Variants in LMNB2 observed in about 807,000 individuals in gnomAD.
LMNB2 encodes lamin-B2.
In LMNB2, 17 loss-of-function variants were observed where a neutral mutation model predicts 69.3. The observed-to-expected ratio is 0.25, with a 90% CI of 0.17 to 0.37. LMNB2 has a LOEUF of 0.37. LMNB2 is among the 10% of genes least tolerant of loss of function. The pLI is 1.00. For synonymous variants in LMNB2, 397 were observed against 389.3 expected, an observed-to-expected ratio of 1.02 and a Z score of -0.23; for missense variants, 789 against 883.6, an observed-to-expected ratio of 0.89 and a Z score of 1.36.
rs1393475287 is a variant in LMNB2, at chr19:2,453,052, G to A, written c.264+3618C>T. Among the ~76,000 whole-genome samples, 8 of 138,688 alleles carry A rather than the reference G, an allele frequency of 5.8e-5. No homozygotes were observed. Among genetic ancestry groups the A allele is most frequent in the African/African-American group, 2.2e-4 (8 of 36,610 alleles). 91.0% of individuals were successfully genotyped at this position (138,688 alleles called of 152,430 possible). On this transcript the variant is annotated intron_variant, in intron 1 of 11. Coordinates refer to ENST00000325327, the MANE Select transcript of LMNB2 (RefSeq NM_032737.4). The surrounding 1 kb of genome is among the most constrained non-coding windows in gnomAD (Gnocchi z 4.4). ...TGGGGGCTGGGTCATCCTCGTGGGG[G>A]CTGGGTCATCCTCATGGGGCTGGGT...
rs115007914 is a variant in LMNB2 at position 2,443,903 on chromosome 19, A to G, written c.401+501T>C. Among the ~76,000 whole-genome samples, 77 of 152,254 alleles carry G rather than the reference A, an allele frequency of 5.1e-4. 1 individual carries two copies. Among genetic ancestry groups the G allele is most frequent in the African/African-American group, 1.8e-3 (73 of 41,532 alleles). Reference sequence around the variant, plus strand: ...TGTCACCCAGAAGGACTTTGCAGCCAACCCTGGGGCAGCCCAACAACCCAT... The same window carrying G: ...TGTCACCCAGAAGGACTTTGCAGCCGACCCTGGGGCAGCCCAACAACCCAT... On this transcript the variant is annotated intron_variant, in intron 2 of 11. Coordinates refer to ENST00000325327, the MANE Select transcript of LMNB2 (RefSeq NM_032737.4). The surrounding 1 kb of genome is among the most constrained non-coding windows in gnomAD (Gnocchi z 6.2).
Position 2,435,138 on chromosome 19 carries a change from G to A in LMNB2, c.718C>T (p.Arg240Cys), listed in dbSNP as rs776556197. Residue 240 changes from arginine to cysteine, a missense_variant, in exon 5 of 12, where the codon CGC becomes TGC. This residue lies in a region of LMNB2 where 609 missense variants were observed against 630.9 expected (regional missense o/e 0.97). Coordinates refer to ENST00000325327, the MANE Select transcript of LMNB2 (RefSeq NM_032737.4). Reference protein sequence around the residue: ...VRETRRRHERRLVEVDSSRQQ... With the variant: ...VRETRRRHERCLVEVDSSRQQ... ...CGGCTGCTGTCCACCTCCACCAGGC[G>A]CCGCTCGTGCCGCCGCCGCGTCTCC... 8 of 1,605,096 alleles carry A rather than the reference G, an allele frequency of 5.0e-6. No homozygotes were observed. In the East Asian group the frequency reaches 6.7e-5, roughly 13 times the overall value.
At chr19:2,442,095 G>A (rs1467243759) in intron 2 of LMNB2, among the ~76,000 whole-genome samples, 1 of 152,198 alleles carries the variant, frequency 6.6e-6, no homozygotes, top group Non-Finnish European at 1.5e-5. Flanking sequence ...GCTCTGGCTT[G>A]TTAGGTCCTG....
rs2145447793 is a variant in LMNB2 at position 2,434,058 on chromosome 19, G to T, written c.1250C>A (p.Ala417Asp). 1 of 1,599,724 alleles carries T rather than the reference G, an allele frequency of 6.3e-7. No individual in the cohort carries two copies. Among genetic ancestry groups the T allele is most frequent in the Non-Finnish European group, 8.5e-7 (1 of 1,174,560 alleles). ...SPSSRVTVSR[A>D]TSSSSGSLSA... ...CAAGCTGCCGCTGCTGCTCGAGGTG[G>T]CTCGTGAGACGGTGACGCGCGAGGA... Residue 417 changes from alanine to aspartate, a missense_variant, in exon 8 of 12, where the codon GCC becomes GAC. Ala to Asp is a moderately radical substitution (Grantham distance 126). Coordinates refer to ENST00000325327, the MANE Select transcript of LMNB2 (RefSeq NM_032737.4).
Position 2,438,121 on chromosome 19 carries a change from C to T in LMNB2, c.684+42G>A, listed in dbSNP as rs1865111. 367,407 of 1,610,544 alleles carry T rather than the reference C, an allele frequency of 0.23. 43,794 individuals carry two copies. Among genetic ancestry groups the T allele is most frequent in the African/African-American group, 0.32 (23,689 of 74,948 alleles). On this transcript the variant is annotated intron_variant, in intron 4 of 11. Transcript: ENST00000325327. Reference sequence around the variant, plus strand: ...TCCACAGCCATGAGGGTGGACTTTGCGTTTCCGCTGTGCCAGGCTGGAGGC... The same window carrying T: ...TCCACAGCCATGAGGGTGGACTTTGTGTTTCCGCTGTGCCAGGCTGGAGGC...
intron 4 of LMNB2, among the ~76,000 whole-genome samples, chr19:2,436,381 AAAAACAAAAC>A (rs370520046): frequency 1.5e-4 from 22 of 151,684 alleles, no homozygotes; most frequent in East Asian, 4.0e-4. Context: ...ACTCCATCTC[AAAAACAAAAC>A]AAAACAAAAC....
At chr19:2,445,724 C>T (rs1314486978) in intron 1 of LMNB2, among the ~76,000 whole-genome samples, 48 of 84,136 alleles carry the variant, frequency 5.7e-4, no homozygotes, top group African/African-American at 2.4e-3. Context: ...GAGTCCCCAG[C>T]TCCCCACCCC....
chr19:2,450,794 G>A (rs1208247984), intron 1 of LMNB2, among the ~76,000 whole-genome samples: 1 of 151,770 alleles, frequency 6.6e-6, no homozygotes, highest in Non-Finnish European at 1.5e-5. Context: ...ACCACGCCCA[G>A]CTAATTTTTG....
intron 2 of LMNB2, among the ~76,000 whole-genome samples, chr19:2,440,428 G>C (rs1971884717): frequency 6.6e-6 from 1 of 152,026 alleles, no homozygotes; most frequent in Non-Finnish European, 1.5e-5. Context: ...ATCCTCAAGT[G>C]ATCTGTCCGC....
intron 9 of LMNB2, 92 bp downstream of exon 9, chr19:2,432,324 A>T: frequency 1.5e-5 from 7 of 464,470 alleles, no homozygotes; most frequent in South Asian, 8.6e-5. Flanking sequence ...CATCATCCCC[A>T]CCCACCCCCG....
rs373897775 is a variant in LMNB2 at position 2,443,985 on chromosome 19, C to T, written c.401+419G>A. ...CGTCCCAACAGCTGGGACAAAACCCCGGCACCAAGAACATCCAACCACAGG... is the reference window on the plus strand; with the variant it reads ...CGTCCCAACAGCTGGGACAAAACCCTGGCACCAAGAACATCCAACCACAGG... On this transcript the variant is annotated intron_variant, in intron 2 of 11. Transcript: ENST00000325327. The surrounding 1 kb of genome is among the most constrained non-coding windows in gnomAD (Gnocchi z 6.2). Among the ~76,000 whole-genome samples, 4 of 152,120 alleles carry T rather than the reference C, an allele frequency of 2.6e-5. No individual in the cohort carries two copies. Among genetic ancestry groups the T allele is most frequent in the Admixed American group, 6.5e-5 (1 of 15,272 alleles).
At chr19:2,438,054 TG>T in intron 4 of LMNB2, 108 bp downstream of exon 4, 1 of 1,530,058 alleles carries the variant, frequency 6.5e-7, no homozygotes, top group African/African-American at 1.4e-5. Flanking sequence ...CCTAGAGCCG[TG>T]GGAGGGACCC....
rs1463811366 is a variant in LMNB2 at position 2,456,948 on chromosome 19, C to G, written c.-15G>C. On this transcript the variant is annotated 5_prime_UTR_variant, in exon 1 of 12. Coordinates refer to ENST00000325327, the MANE Select transcript of LMNB2 (RefSeq NM_032737.4). Reference sequence around the variant, plus strand: ...GGCGGGCTCATTCAATCCGCGCCGCCGGCTGCAAGATGGCGCCGCGCCGCG... The same window carrying G: ...GGCGGGCTCATTCAATCCGCGCCGCGGGCTGCAAGATGGCGCCGCGCCGCG... 1.0e-6 allele frequency: 1 copy of G among 987,408 alleles called. No individual in the cohort carries two copies. Among genetic ancestry groups the G allele is most frequent in the Non-Finnish European group, 1.2e-6 (1 of 832,592 alleles). 61.2% of individuals were successfully genotyped at this position (987,408 alleles called of 1,614,324 possible).
chr19:2,434,835 T>C lies in LMNB2; in HGVS notation c.934A>G (p.Met312Val), dbSNP rs756818582. The change falls in exon 6 of 12, where the codon ATG (methionine) becomes GTG (valine). Residue 312 changes from methionine to valine, a missense_variant. Physicochemically the swap from Met to Val is conservative, Grantham distance 21 (BLOSUM62 1). This residue lies in a region of LMNB2 where 609 missense variants were observed against 630.9 expected (regional missense o/e 0.97). Transcript: ENST00000325327. ...AAREELKEAR[M>V]RLESLSYQLS... is the part of the protein sequence containing the mutation. ...TGGTAGCTGAGGGACTCCAGGCGCA[T>C]GCGGGCCTCCTTCAGCTCCTCGCGA... 5 of 1,608,974 alleles carry C rather than the reference T, an allele frequency of 3.1e-6. No individual in the cohort carries two copies. The highest frequency in any genetic ancestry group is 1.7e-5 in the Admixed American group (1 of 59,870).
rs754150999 is a variant in LMNB2 at position 2,431,886 on chromosome 19, G to A, written c.1607C>T (p.Ala536Val). Residue 536 changes from alanine to valine, a missense_variant, in exon 10 of 12, where the codon GCG (alanine) becomes GTG (valine). Coordinates refer to ENST00000325327, the MANE Select transcript of LMNB2 (RefSeq NM_032737.4). ...GQMVTVWAAG[A>V]GVAHSPPSTL... Reference sequence around the variant, plus strand: ...CGAGGGGGGGCTGTGGGCCACCCCCGCACCAGCTGCCCACACCTGAGGACC... The same window carrying A: ...CGAGGGGGGGCTGTGGGCCACCCCCACACCAGCTGCCCACACCTGAGGACC... 8.7e-6 allele frequency: 14 copies of A among 1,611,640 alleles called. No individual in the cohort carries two copies. Among genetic ancestry groups the A allele is most frequent in the Middle Eastern group, 1.6e-4 (1 of 6,084 alleles).
At chr19:2,436,337 G>A (rs1013783851) in intron 4 of LMNB2, among the ~76,000 whole-genome samples, 2 of 151,856 alleles carry the variant, frequency 1.3e-5, no homozygotes, top group South Asian at 2.1e-4. Context: ...CCAGCTACTC[G>A]GGAGGCTGGG....
rs755348723 is a variant in LMNB2 at position 2,430,795 on chromosome 19, G to A, written c.*116C>T. 1.2e-6 allele frequency: 1 copy of A among 820,456 alleles called. No individual in the cohort carries two copies. The highest frequency in any genetic ancestry group is 2.2e-6 in the Non-Finnish European group (1 of 465,006). 50.8% of individuals were successfully genotyped at this position (820,456 alleles called of 1,614,324 possible). The stretch of plus-strand genomic sequence containing the variant: ...TGGGGGAGACCCACCCACACGTTCT[G>A]GCAGTTCGCTTAGAAATTCTCTAGA... On this transcript the variant is annotated 3_prime_UTR_variant, in exon 12 of 12. Coordinates refer to ENST00000325327, the MANE Select transcript of LMNB2 (RefSeq NM_032737.4).
At position 2,431,625 on chromosome 19, in the gene LMNB2, C is replaced by T. The variant is rs749496136; in HGVS notation, c.1744G>A (p.Val582Met). 8.1e-6 allele frequency: 13 copies of T among 1,614,032 alleles called. No homozygotes were observed. The Admixed American group carries it at 1.7e-4, about 21-fold the overall frequency. ...TCCCCATTCTCATTCTCACGCATCACCGAGGACTTCTTCACAGTCCTCATG... is the reference window on the plus strand; with the variant it reads ...TCCCCATTCTCATTCTCACGCATCATCGAGGACTTCTTCACAGTCCTCATG... ...VAMRTVKKSS[V>M]MRENENGEEE... Residue 582 changes from valine (V) to methionine (M), a missense_variant, in exon 11 of 12, where the codon GTG becomes ATG. Coordinates refer to ENST00000325327, the MANE Select transcript of LMNB2 (RefSeq NM_032737.4).
chr19:2,454,292 CAAAAA>C (rs58800585), intron 1 of LMNB2, among the ~76,000 whole-genome samples: 1 of 80,986 alleles, frequency 1.2e-5, no homozygotes, highest in Non-Finnish European at 2.5e-5. Context: ...GACTCTATCT[CAAAAA>C]AAAAAAAAAA....
Sources: allele counts gnomAD v4.1 joint callset (sites outside exome capture counted in the v4.1 genomes callset), GRCh38; gene constraint gnomAD v4.1.1; regional missense constraint gnomAD v4.1.1; non-coding constraint Gnocchi (gnomAD v3.1); transcripts MANE v1.5; gene names NCBI Gene and HGNC (gene_info 2026-07-23, HGNC 2026-07-21).